The following NUP98 variants were observed in gnomAD, a reference collection of about 807,000 sequenced individuals.
The protein encoded by NUP98 is nuclear pore complex protein Nup98-Nup96.
A neutral mutation model predicts 191.9 loss-of-function variants in NUP98; 26 were observed. That is an observed-to-expected ratio of 0.14 (90% confidence interval 0.10 to 0.19). NUP98 has a LOEUF of 0.19. Among genes scored for constraint, NUP98 ranks in the 10% least tolerant of loss-of-function variants. The pLI is 1.00. For synonymous variants in NUP98, 808 were observed against 778.4 expected (o/e 1.04, Z -0.63); for missense variants, 1,941 against 2,178.8 (o/e 0.89, Z 2.17).
intron 8 of NUP98, among the ~76,000 whole-genome samples, chr11:3,766,177 C>A (rs892301376): frequency 6.6e-6 from 1 of 152,150 alleles, no homozygotes; most frequent in Admixed American, 6.6e-5. Flanking sequence ...AAGCTCGAGA[C>A]CAGCCTGGAT....
At position 3,700,827 on chromosome 11, in the gene NUP98, G is replaced by A. The variant is rs138580949; in HGVS notation, c.3525C>T (p.Ser1175=). Residue 1175 remains serine, a synonymous_variant, in exon 24 of 33, where the codon TCC becomes TCT. Transcript: ENST00000324932. The stretch of plus-strand genomic sequence containing the variant: ...GTTTTTCTAAGTGAACTTTGAATGG[G>A]GACTCAGTTAGGCTACAAGAGCAAA... ...NPVAVKPLTE[S]PFKVHLEKLS... 11 of 1,612,616 alleles carry A rather than the reference G, an allele frequency of 6.8e-6. No individual in the cohort carries two copies. Among genetic ancestry groups the A allele is most frequent in the Admixed American group, 6.7e-5 (4 of 59,930 alleles).
At chr11:3,729,220 T>C (rs1006918760) in intron 14 of NUP98, among the ~76,000 whole-genome samples, 1 of 151,820 alleles carries the variant, frequency 6.6e-6, no homozygotes, top group Non-Finnish European at 1.5e-5. Flanking sequence ...TAAGCATAGA[T>C]AAAATGTGAT....
At chr11:3,795,071 T>C (rs1438268083) in intron 1 of NUP98, among the ~76,000 whole-genome samples, 5 of 152,220 alleles carry the variant, frequency 3.3e-5, no homozygotes, top group Non-Finnish European at 4.4e-5. Context: ...GAAAATAATA[T>C]AATTTTTTCA....
intron 26 of NUP98, 91 bp downstream of exon 26, chr11:3,695,358 A>G: frequency 8.1e-7 from 1 of 1,234,430 alleles, no homozygotes; most frequent in Non-Finnish European, 1.1e-6. Flanking sequence ...ACTGTGCACA[A>G]TTTACAAAGA....
chr11:3,781,589 G>T (rs146728426), intron 2 of NUP98: 15 of 150,846 alleles, frequency 9.9e-5, no homozygotes, highest in African/African-American at 3.7e-4. Flanking sequence ...AGTCATACAC[G>T]ATACTGGGTA....
At chr11:3,783,277 A>G (rs1210628684) in intron 1 of NUP98, among the ~76,000 whole-genome samples, 1 of 151,684 alleles carries the variant, frequency 6.6e-6, no homozygotes, top group African/African-American at 2.4e-5. Context: ...AGTCCCAGCT[A>G]CTCTGTTGGC....
In NUP98 at chr11:3,731,404, C is replaced by A; in HGVS notation, c.1717G>T (p.Ala573Ser). ...AAATAAACTCACTTGGGCATGAATGCTCCATTGGCTAGGGATGGTTCATCG... is the reference window on the plus strand; with the variant it reads ...AAATAAACTCACTTGGGCATGAATGATCCATTGGCTAGGGATGGTTCATCG... Reference protein sequence around the residue: ...DDDEPSLANGAFMPKKSIKKL... With the variant: ...DDDEPSLANGSFMPKKSIKKL... The change falls in exon 14 of 33, where the codon GCA (alanine) becomes TCA (serine). Residue 573 changes from alanine to serine, a missense_variant. By Grantham distance (99) the Ala-to-Ser change is moderately conservative (BLOSUM62 1). Coordinates refer to ENST00000324932, the MANE Select transcript of NUP98 (RefSeq NM_016320.5). 1.3e-6 allele frequency: 2 copies of A among 1,575,770 alleles called. No individual in the cohort carries two copies. Among genetic ancestry groups the A allele is most frequent in the Non-Finnish European group, 1.7e-6 (2 of 1,159,794 alleles).
In NUP98 at chr11:3,698,888, T is replaced by C. The variant is rs566675982; in HGVS notation, c.4009+194A>G. ...AATTCTCTGTTTAGGACCTTAAACA[T>C]TGTTTACTTGATTAAAAGTTAAATT... is the stretch of plus-strand genomic sequence containing the variant. On this transcript the variant is annotated intron_variant, in intron 25 of 32. Coordinates refer to ENST00000324932, the MANE Select transcript of NUP98 (RefSeq NM_016320.5). 9.9e-5 allele frequency: 62 copies of C among 629,232 alleles called. No homozygotes were observed. The South Asian group carries it at 1.1e-3, about 11-fold the overall frequency. The allele number at this position is 629,232 out of a possible 1,614,324, so 39.0% of individuals were successfully genotyped here.
At chr11:3,784,846 C>T (rs1488444422) in intron 1 of NUP98, among the ~76,000 whole-genome samples, 1 of 152,090 alleles carries the variant, frequency 6.6e-6, no homozygotes, top group Non-Finnish European at 1.5e-5. Flanking sequence ...TACTCTAAAG[C>T]ACACCCTTGG....
intron 12 of NUP98, among the ~76,000 whole-genome samples, chr11:3,742,067 T>C (rs969665379): frequency 2.0e-5 from 3 of 152,204 alleles, no homozygotes; most frequent in Non-Finnish European, 2.9e-5. Context: ...CGAGAATATC[T>C]TGAAGCAATG....
At chr11:3,692,617 C>A (rs2078353822) in intron 27 of NUP98, among the ~76,000 whole-genome samples, 1 of 151,756 alleles carries the variant, frequency 6.6e-6, no homozygotes, top group Non-Finnish European at 1.5e-5. Flanking sequence ...AGTAAACAGA[C>A]AACCCAAAGG....
chr11:3,763,186 C>T (rs1184556311), intron 8 of NUP98, 147 bp from the exon 9 acceptor site: 1 of 731,650 alleles, frequency 1.4e-6, no homozygotes, highest in Non-Finnish European at 2.1e-6. Context: ...TCCTTCAAAA[C>T]AACCCTGAAA....
At chr11:3,709,280 T>C (rs1435785102) in intron 20 of NUP98, among the ~76,000 whole-genome samples, 1 of 152,186 alleles carries the variant, frequency 6.6e-6, no homozygotes, top group Admixed American at 6.6e-5. Context: ...TGGTGGCTTA[T>C]ACCTGTAATT....
intron 18 of NUP98, among the ~76,000 whole-genome samples, chr11:3,718,992 C>T (rs1215978640): frequency 5.3e-5 from 8 of 151,948 alleles, no homozygotes; most frequent in Middle Eastern, 6.8e-3. Context: ...TGGTGGCGGG[C>T]GCCTACAATC....
At chr11:3,760,511 G>A in intron 10 of NUP98, 28 bp downstream of exon 10, 3 of 1,614,062 alleles carry the variant, frequency 1.9e-6, no homozygotes, top group Non-Finnish European at 1.7e-6. Context: ...GTTTGTATTG[G>A]TTCCTAAAGT....
At chr11:3,715,483 G>C (rs1021095965) in intron 18 of NUP98, among the ~76,000 whole-genome samples, 2 of 151,638 alleles carry the variant, frequency 1.3e-5, no homozygotes, top group Non-Finnish European at 2.9e-5. Context: ...TCTCATTGTA[G>C]TTTGATTTGC....
At position 3,735,319 on chromosome 11, in the gene NUP98, T is replaced by C. The variant is rs1179323875; in HGVS notation, c.1414A>G (p.Thr472Ala). 2 of 1,468,240 alleles carry C rather than the reference T, an allele frequency of 1.4e-6. No individual in the cohort carries two copies. Among genetic ancestry groups the C allele is most frequent in the African/African-American group, 2.9e-5 (2 of 70,090 alleles). 91.0% of individuals were successfully genotyped at this position (1,468,240 alleles called of 1,614,324 possible). A position where few individuals can be genotyped will look rare whatever the true frequency, so the allele number is the denominator to read the frequency against. ...FGAPQAPVAL[T>A]DPNASAAQQA... ...TGGGCAGCAGAAGCATTTGGATCTG[T>C]CAAAGCTTTTAAAAAAAAAAAAAGA... is the stretch of plus-strand genomic sequence containing the variant. The change falls in exon 13 of 33, where the codon ACA becomes GCA. Residue 472 changes from threonine (T) to alanine (A), a missense_variant. By Grantham distance (58) the Thr-to-Ala change is moderately conservative. Transcript: ENST00000324932.
Position 3,698,872 on chromosome 11 carries a change from T to C in NUP98, c.4009+210A>G, listed in dbSNP as rs2078593049. On this transcript the variant is annotated intron_variant, in intron 25 of 32. Transcript: ENST00000324932. ...CCGCACTATGTCTTCTAATTCTCTGTTTAGGACCTTAAACATTGTTTACTT... is the reference window on the plus strand; with the variant it reads ...CCGCACTATGTCTTCTAATTCTCTGCTTAGGACCTTAAACATTGTTTACTT... 6.8e-6 allele frequency: 4 copies of C among 587,260 alleles called. No homozygotes were observed. The East Asian group carries it at 1.2e-4, about 18-fold the overall frequency. The allele number at this position is 587,260 out of a possible 1,614,324, so 36.4% of individuals were successfully genotyped here.
intron 6 of NUP98, among the ~76,000 whole-genome samples, chr11:3,772,812 C>A (rs1288349334): frequency 1.3e-4 from 18 of 133,950 alleles, no homozygotes; most frequent in African/African-American, 1.6e-4. Flanking sequence ...AGACTCGTCT[C>A]AAAAAAAAAA....
Sources: gnomAD v4.1 joint callset for allele counts (sites outside exome capture counted in the v4.1 genomes callset) on GRCh38, gnomAD v4.1.1 for gene constraint, MANE v1.5 for transcripts, NCBI Gene and HGNC (gene_info 2026-07-23, HGNC 2026-07-21) for gene names.